ZFPM2: variants seen among roughly 807,000 people sequenced by gnomAD.
ZFPM2 encodes the protein zinc finger protein ZFPM2.
Under a neutral mutation model 98.6 loss-of-function variants are expected in ZFPM2, and 20 were observed. That is an observed-to-expected ratio of 0.20 (90% CI 0.14 to 0.29). ZFPM2 has a LOEUF of 0.29. Among genes scored for constraint, ZFPM2 ranks in the 10% least tolerant of loss-of-function variants. The pLI is 1.00. For synonymous variants in ZFPM2, 518 were observed against 502.7 expected (o/e 1.03, Z -0.41); for missense variants, 1,310 against 1,388.6 (o/e 0.94, Z 0.90).
rs1205980391 is a variant in ZFPM2, at chr8:105,393,364, T to G, written c.41-25780T>G. On this transcript the variant is annotated intron_variant, in intron 1 of 7. Transcript: ENST00000407775. Reference sequence around the variant, plus strand: ...TTTCTTTCTTTCTTTCTTTCTTTCTTTCTTTCTTTCTTTCTTTCTTTCTTT... The same window carrying G: ...TTTCTTTCTTTCTTTCTTTCTTTCTGTCTTTCTTTCTTTCTTTCTTTCTTT... 5.5e-3 allele frequency among the ~76,000 whole-genome samples: 579 copies of G among 105,438 alleles called. 10 individuals are homozygous for G. Among genetic ancestry groups the G allele is most frequent in the African/African-American group, 0.022 (555 of 24,674 alleles). 69.2% of individuals were successfully genotyped at this position (105,438 alleles called of 152,430 possible). A position where few individuals can be genotyped will look rare whatever the true frequency, so the allele number is the denominator to read the frequency against.
intron 5 of ZFPM2, among the ~76,000 whole-genome samples, chr8:105,669,284 T>C (rs1269020923): frequency 6.6e-6 from 1 of 152,062 alleles, no homozygotes; most frequent in Non-Finnish European, 1.5e-5. Flanking sequence ...ATATTTCCTC[T>C]AAAATTCTCA....
At chr8:105,332,568 T>A (rs1812252760) in intron 1 of ZFPM2, among the ~76,000 whole-genome samples, 1 of 151,740 alleles carries the variant, frequency 6.6e-6, no homozygotes, top group South Asian at 2.1e-4. Context: ...GTACTAATTT[T>A]GTGTACCATG....
intron 3 of ZFPM2, among the ~76,000 whole-genome samples, chr8:105,536,903 A>T (rs1204056079): frequency 1.3e-5 from 2 of 152,160 alleles, no homozygotes; most frequent in Non-Finnish European, 2.9e-5. Flanking sequence ...GCTATAATGT[A>T]TCAGCTATGG....
intron 1 of ZFPM2, among the ~76,000 whole-genome samples, chr8:105,393,980 G>A (rs1308645687): frequency 2.0e-5 from 3 of 148,626 alleles, no homozygotes; most frequent in Non-Finnish European, 3.0e-5. Context: ...TGCAAGCTCC[G>A]CTTCCTGGGT....
intron 1 of ZFPM2, among the ~76,000 whole-genome samples, chr8:105,354,498 G>A (rs984182590): frequency 3.3e-5 from 5 of 152,164 alleles, no homozygotes; most frequent in African/African-American, 1.2e-4. Context: ...AGTCTGCTCT[G>A]TTTTAAACCC....
In ZFPM2 at chr8:105,795,261, T is replaced by C. The variant is rs1168537125; in HGVS notation, c.740-3463T>C. Among the ~76,000 whole-genome samples the C allele has an allele frequency of 9.9e-5, 15 of 150,780 alleles. No homozygotes were observed. The East Asian group carries it at 1.4e-3, about 14-fold the overall frequency. ...CATTTTATCTTTGTGTGTGTGTGTG[T>C]GTGTGTGTGTGTGTGTGTGTGTGGT... On this transcript the variant is annotated intron_variant, in intron 6 of 7. Transcript: ENST00000407775.
intron 1 of ZFPM2, among the ~76,000 whole-genome samples, chr8:105,330,199 T>C (rs1812185264): frequency 6.6e-6 from 1 of 151,610 alleles, no homozygotes; most frequent in South Asian, 2.1e-4. Context: ...TTTAGGACAG[T>C]TTGATACTCT....
At position 105,802,792 on chromosome 8, in the gene ZFPM2, A is replaced by G. The variant is rs2131181773; in HGVS notation, c.2710A>G (p.Ser904Gly). The change falls in exon 8 of 8, where the codon AGC becomes GGC. Residue 904 changes from serine (S) to glycine (G), a missense_variant. Coordinates refer to ENST00000407775, the MANE Select transcript of ZFPM2 (RefSeq NM_012082.4). The stretch of plus-strand genomic sequence containing the variant: ...TCCGAATCCAGAAAGCGAACGAAAC[A>G]GCCCTGATGTCAGCTACGAAAGAAG... ...VFPNPESERN[S>G]PDVSYERSII... The G allele has an allele frequency of 1.9e-6, 3 of 1,613,698 alleles. No individual in the cohort carries two copies. Among genetic ancestry groups the G allele is most frequent in the Non-Finnish European group, 1.7e-6 (2 of 1,179,820 alleles).
At chr8:105,746,449 T>G (rs1035628633) in intron 5 of ZFPM2, among the ~76,000 whole-genome samples, 5 of 152,222 alleles carry the variant, frequency 3.3e-5, no homozygotes, top group Middle Eastern at 3.4e-3. Context: ...TATTCCCTGT[T>G]GCATAAAATA....
At chr8:105,679,618 A>G (rs1810554646) in intron 5 of ZFPM2, among the ~76,000 whole-genome samples, 1 of 151,614 alleles carries the variant, frequency 6.6e-6, no homozygotes, top group African/African-American at 2.4e-5. Flanking sequence ...ACATGGCAAA[A>G]CTCCATCTCT....
At position 105,804,315 on chromosome 8, in the gene ZFPM2, T is replaced by C. The variant is rs1351782849; in HGVS notation, c.*777T>C. The C allele has an allele frequency of 1.3e-5, 2 of 152,592 alleles. No homozygotes were observed. The highest frequency in any genetic ancestry group is 4.8e-5 in the African/African-American group (2 of 41,436). 9.5% of individuals were successfully genotyped at this position (152,592 alleles called of 1,614,324 possible). A position where few individuals can be genotyped will look rare whatever the true frequency, so the allele number is the denominator to read the frequency against. On this transcript the variant is annotated 3_prime_UTR_variant, in exon 8 of 8. Transcript: ENST00000407775. ...AGTATTGTAAGTAATGAGGTAGTAT[T>C]AATCAGTTTTATCTTTTGAAAGGCA...
intron 1 of ZFPM2, among the ~76,000 whole-genome samples, chr8:105,389,225 T>A (rs1432106271): frequency 6.6e-6 from 1 of 152,210 alleles, no homozygotes; most frequent in South Asian, 2.1e-4. Context: ...CAGATGGATG[T>A]TGGAATCTGT....
chr8:105,523,859 G>A (rs1814113929), intron 3 of ZFPM2, among the ~76,000 whole-genome samples: 1 of 152,052 alleles, frequency 6.6e-6, no homozygotes, highest in African/African-American at 2.4e-5. Context: ...TGATGTTCAG[G>A]CCCCCCTGTG....
intron 4 of ZFPM2, among the ~76,000 whole-genome samples, chr8:105,604,698 G>A (rs17727332): frequency 0.083 from 12,538 of 151,916 alleles, 524 homozygotes; most frequent in African/African-American, 0.11. Context: ...CCTTCATATG[G>A]CTCACTCCTT....
chr8:105,393,330 C>CTGTCTT (rs1245789213), intron 1 of ZFPM2, among the ~76,000 whole-genome samples: 25 of 132,916 alleles, frequency 1.9e-4, no homozygotes, highest in Admixed American at 3.0e-4. Flanking sequence ...CCCTCTCTCT[C>CTGTCTT]TCTTTGCCTT....
At chr8:105,629,053 A>G (rs1487143025) in intron 4 of ZFPM2, among the ~76,000 whole-genome samples, 1 of 152,128 alleles carries the variant, frequency 6.6e-6, no homozygotes, top group Non-Finnish European at 1.5e-5. Flanking sequence ...CATGGAGTTC[A>G]TTCCTGCCGG....
chr8:105,436,331 C>T (rs1812118441), intron 2 of ZFPM2, among the ~76,000 whole-genome samples: 2 of 151,884 alleles, frequency 1.3e-5, no homozygotes, highest in African/African-American at 2.4e-5. Flanking sequence ...ACCAGCCTGA[C>T]CAACATGGAG....
At chr8:105,701,519 T>C (rs1811140878) in intron 5 of ZFPM2, among the ~76,000 whole-genome samples, 1 of 152,258 alleles carries the variant, frequency 6.6e-6, no homozygotes, top group Admixed American at 6.5e-5. Flanking sequence ...AATGAAAATG[T>C]GTCTTTAAAT....
chr8:105,404,289 A>G (rs937977038), intron 1 of ZFPM2, among the ~76,000 whole-genome samples: 37 of 152,038 alleles, frequency 2.4e-4, no homozygotes, highest in Admixed American at 2.4e-3. Context: ...GTGTACCGCT[A>G]TATATTGTGG....
Sources: allele counts gnomAD v4.1 joint callset (sites outside exome capture counted in the v4.1 genomes callset), GRCh38; gene constraint gnomAD v4.1.1; transcripts MANE v1.5; gene names NCBI Gene and HGNC (gene_info 2026-07-23, HGNC 2026-07-21).